Variants in TECPR2 observed in about 807,000 individuals in gnomAD.
TECPR2 encodes tectonin beta-propeller repeat containing 2.
In TECPR2, 65 loss-of-function variants were observed where a neutral mutation model predicts 138.1. That is an observed-to-expected ratio of 0.47 (90% CI 0.39 to 0.58). The LOEUF is 0.58. Among genes scored for constraint, TECPR2 ranks in the 20% least tolerant of loss-of-function variants. The probability of loss-of-function intolerance (pLI) is 0.00; values close to 1 mark genes in which losing one functional copy is unlikely to be tolerated. For missense variants in TECPR2, 1,553 were observed against 1,824.5 expected (o/e 0.85, Z 2.71); for synonymous variants, 746 against 749.8 (o/e 0.99, Z 0.08).
chr14:102,376,799 G>T lies in TECPR2; in HGVS notation c.78G>T (p.Lys26Asn). ...LYYLLNAIPT[K>N]IQKGFRSIVV... ...ATCTCCTCAATGCCATTCCGACAAA[G>T]ATCCAGAAGGGTTTCCGCTCTATCG... Residue 26 changes from lysine to asparagine, a missense_variant, in exon 2 of 20, where the codon AAG (lysine) becomes AAT (asparagine). Coordinates refer to ENST00000359520, the MANE Select transcript of TECPR2 (RefSeq NM_014844.5). The T allele has an allele frequency of 6.2e-7, 1 of 1,614,196 alleles. No homozygotes were observed. Among genetic ancestry groups the T allele is most frequent in the Non-Finnish European group, 8.5e-7 (1 of 1,180,034 alleles).
chr14:102,467,465 C>A (rs1890570509), intron 17 of TECPR2, among the ~76,000 whole-genome samples: 1 of 151,794 alleles, frequency 6.6e-6, no homozygotes, highest in Non-Finnish European at 1.5e-5. Context: ...GCTGAGATTA[C>A]AGGCATGCAC....
intron 17 of TECPR2, among the ~76,000 whole-genome samples, chr14:102,492,880 C>T (rs1029298646): frequency 1.3e-5 from 2 of 152,208 alleles, no homozygotes; most frequent in Middle Eastern, 3.2e-3. Flanking sequence ...GGCGGAGGCT[C>T]ACATTAGGAG....
At chr14:102,477,226 TG>T (rs1366031864) in intron 17 of TECPR2, among the ~76,000 whole-genome samples, 2 of 152,030 alleles carry the variant, frequency 1.3e-5, no homozygotes, top group Non-Finnish European at 2.9e-5. Flanking sequence ...AAAAGTCAGC[TG>T]AGTGTGGTGG....
chr14:102,407,739 G>A (rs1309457719), intron 3 of TECPR2, among the ~76,000 whole-genome samples: 1 of 152,164 alleles, frequency 6.6e-6, no homozygotes, highest in East Asian at 1.9e-4. Flanking sequence ...GCTCATGCCT[G>A]TAATCCCAGC....
At chr14:102,374,058 C>T (rs1235674982) in intron 1 of TECPR2, among the ~76,000 whole-genome samples, 6 of 133,750 alleles carry the variant, frequency 4.5e-5, no homozygotes, top group Admixed American at 2.5e-4. Flanking sequence ...GGGGACAGAG[C>T]GAGATTCTGT....
chr14:102,407,817 A>G (rs1888705183), intron 3 of TECPR2, among the ~76,000 whole-genome samples: 1 of 152,162 alleles, frequency 6.6e-6, no homozygotes, highest in South Asian at 2.1e-4. Context: ...TAACACAGTG[A>G]AACTCCATCT....
intron 5 of TECPR2, 87 bp from the exon 6 acceptor site, chr14:102,424,892 G>T (rs1307468182): frequency 3.0e-6 from 4 of 1,331,480 alleles, no homozygotes; most frequent in Admixed American, 2.3e-5. Context: ...AATTCTTGTT[G>T]TACTTAATAT....
chr14:102,502,430 T>TA lies in TECPR2; in HGVS notation c.*4176dup, dbSNP rs1263964202. The TA allele has an allele frequency of 6.5e-6, 1 of 152,694 alleles. No homozygotes were observed. Among genetic ancestry groups the TA allele is most frequent in the Non-Finnish European group, 1.5e-5 (1 of 68,050 alleles). 9.5% of individuals were successfully genotyped at this position (152,694 alleles called of 1,614,324 possible). A position where few individuals can be genotyped will look rare whatever the true frequency, so the allele number is the denominator to read the frequency against. ...TGTATCCTTTGAATTTCCAGCCATG[T>TA]AAATGTATTATTTATTCCAAAAATA... On this transcript the variant is annotated 3_prime_UTR_variant, in exon 20 of 20. Transcript: ENST00000359520.
intron 1 of TECPR2, among the ~76,000 whole-genome samples, chr14:102,365,400 G>T (rs575237299): frequency 3.5e-4 from 53 of 152,328 alleles, no homozygotes; most frequent in African/African-American, 1.3e-3. Flanking sequence ...GGGCACATGT[G>T]GGGGAATAGG....
chr14:102,466,560 C>G (rs1276212199), intron 17 of TECPR2, among the ~76,000 whole-genome samples: 2 of 152,210 alleles, frequency 1.3e-5, no homozygotes, highest in East Asian at 3.8e-4. Context: ...CATTATTGTC[C>G]TTAAATTCTC....
At chr14:102,392,789 C>A (rs1888212896) in intron 2 of TECPR2, among the ~76,000 whole-genome samples, 1 of 152,176 alleles carries the variant, frequency 6.6e-6, no homozygotes, top group Admixed American at 6.5e-5. Context: ...CAATGCCAGG[C>A]ACCTTGGAGT....
At chr14:102,489,069 A>C (rs902229400) in intron 17 of TECPR2, among the ~76,000 whole-genome samples, 1 of 151,490 alleles carries the variant, frequency 6.6e-6, no homozygotes, top group Non-Finnish European at 1.5e-5. Context: ...TTTAGTACAG[A>C]TGGAGTTTCA....
intron 17 of TECPR2, among the ~76,000 whole-genome samples, chr14:102,494,467 C>G (rs544256909): frequency 6.6e-6 from 1 of 150,980 alleles, no homozygotes; most frequent in African/African-American, 2.4e-5. Flanking sequence ...CCCTTGAAAC[C>G]GGAAGGCAGA....
intron 8 of TECPR2, among the ~76,000 whole-genome samples, chr14:102,433,219 G>T (rs931765722): frequency 3.3e-5 from 5 of 151,362 alleles, no homozygotes; most frequent in African/African-American, 9.7e-5. Flanking sequence ...AATACAGGGG[G>T]TCCATGCGCA....
chr14:102,401,581 C>T (rs1888481267), intron 2 of TECPR2, among the ~76,000 whole-genome samples: 1 of 151,516 alleles, frequency 6.6e-6, no homozygotes, highest in African/African-American at 2.4e-5. Context: ...AGATCGAGAC[C>T]ATCCTGGTTA....
At chr14:102,410,167 C>T (rs550951120) in intron 4 of TECPR2, among the ~76,000 whole-genome samples, 15 of 152,282 alleles carry the variant, frequency 9.9e-5, no homozygotes, top group South Asian at 4.1e-4. Context: ...ACATAAGTGA[C>T]ATATTTTGTG....
intron 4 of TECPR2, among the ~76,000 whole-genome samples, chr14:102,411,729 A>AAAAAAAAAAAAC: frequency 7.5e-6 from 1 of 132,484 alleles, no homozygotes; most frequent in Admixed American, 7.8e-5. Flanking sequence ...AAAAAAAAAA[A>AAAAAAAAAAAAC]AAGAAGATGG....
rs77862716 is a variant in TECPR2, at chr14:102,374,593, C to G, written c.-72-2057C>G. ...CCTAGGCAACATAGTGAAACCCTCT[C>G]TATTTTTTAAAATGAAATATTTGTT... is the stretch of plus-strand genomic sequence containing the variant. On this transcript the variant is annotated intron_variant, in intron 1 of 19. Transcript: ENST00000359520. 3.0e-4 allele frequency among the ~76,000 whole-genome samples: 45 copies of G among 152,262 alleles called. 1 individual carries two copies. The East Asian group carries it at 7.0e-3, about 24-fold the overall frequency.
intron 17 of TECPR2, among the ~76,000 whole-genome samples, chr14:102,487,030 G>A (rs561138233): frequency 5.9e-5 from 9 of 152,212 alleles, no homozygotes; most frequent in Admixed American, 3.9e-4. Context: ...ACGGATAGAC[G>A]GACAGACACA....
Sources: allele counts gnomAD v4.1 joint callset (sites outside exome capture counted in the v4.1 genomes callset), GRCh38; gene constraint gnomAD v4.1.1; transcripts MANE v1.5; gene names NCBI Gene and HGNC (gene_info 2026-07-23, HGNC 2026-07-21).